The following CLASP1 variants were observed in gnomAD, a reference collection of about 807,000 sequenced individuals.
CLASP1 encodes the protein CLIP-associating protein 1.
In CLASP1, 38 loss-of-function variants were observed where a neutral mutation model predicts 192.3. The observed-to-expected ratio is 0.20, with a 90% CI of 0.15 to 0.26. CLASP1 has a LOEUF of 0.26. Among genes scored for constraint, CLASP1 ranks in the 10% least tolerant of loss-of-function variants. The pLI, the probability that CLASP1 is intolerant of heterozygous loss-of-function variation, is 1.00. For synonymous variants in CLASP1, 691 were observed against 712.8 expected, an observed-to-expected ratio of 0.97 and a Z score of 0.49; for missense variants, 1,433 against 1,932.5, an observed-to-expected ratio of 0.74 and a Z score of 4.85.
intron 2 of CLASP1, among the ~76,000 whole-genome samples, chr2:121,588,951 T>C (rs2062048181): frequency 6.6e-6 from 1 of 152,114 alleles, no homozygotes; most frequent in Non-Finnish European, 1.5e-5. Flanking sequence ...TTATGGGGAT[T>C]GTTTGGGGAT....
At chr2:121,401,918 C>G (rs767495186) in intron 26 of CLASP1, 48 bp from the exon 28 acceptor site, 4 of 660,996 alleles carry the variant, frequency 6.1e-6, no homozygotes, top group Non-Finnish European at 1.1e-5. Context: ...AAACAAATTC[C>G]ATGTTAGTTG....
At chr2:121,563,937 G>A (rs1352948152) in intron 2 of CLASP1, among the ~76,000 whole-genome samples, 1 of 152,224 alleles carries the variant, frequency 6.6e-6, no homozygotes, top group Non-Finnish European at 1.5e-5. Flanking sequence ...AAGGCAAGGA[G>A]GAGCAAGTCA....
chr2:121,457,322 T>C (rs1196824407), intron 14 of CLASP1, among the ~76,000 whole-genome samples: 1 of 152,158 alleles, frequency 6.6e-6, no homozygotes, highest in Non-Finnish European at 1.5e-5. Flanking sequence ...TGCATGCAGT[T>C]ACTGCCTTTA....
chr2:121,499,084 C>A (rs1457796732), intron 8 of CLASP1, among the ~76,000 whole-genome samples: 1 of 152,152 alleles, frequency 6.6e-6, no homozygotes, highest in Non-Finnish European at 1.5e-5. Flanking sequence ...ATACAGCCAA[C>A]AGAAATGAAA....
intron 16 of CLASP1, among the ~76,000 whole-genome samples, chr2:121,450,114 G>A (rs533988144): frequency 6.6e-6 from 1 of 152,056 alleles, no homozygotes; most frequent in Non-Finnish European, 1.5e-5. Context: ...GGTGGATCAC[G>A]AGGTCAGGAG....
chr2:121,478,978 A>C (rs1312561947), intron 8 of CLASP1, among the ~76,000 whole-genome samples: 1 of 44,832 alleles, frequency 2.2e-5, no homozygotes, highest in African/African-American at 1.1e-4. Flanking sequence ...CACACCACAC[A>C]CACACCACAC....
Position 121,514,520 on chromosome 2 carries a change from A to T in CLASP1, c.644+1145T>A, listed in dbSNP as rs141815752. Among the ~76,000 whole-genome samples, 36 of 152,312 alleles carry T rather than the reference A, an allele frequency of 2.4e-4. 1 individual carries two copies. Among genetic ancestry groups the T allele is most frequent in the Admixed American group, 2.4e-3 (36 of 15,302 alleles). On this transcript the variant is annotated intron_variant, in intron 7 of 39. Transcript: ENST00000263710. ...CACAGGAACTTAAAAAAAAAAAACAAAACAAAAAAAACTATTATCACAGAT... is the reference window on the plus strand; with the variant it reads ...CACAGGAACTTAAAAAAAAAAAACATAACAAAAAAAACTATTATCACAGAT...
At chr2:121,390,803 C>T (rs2074209191) in intron 30 of CLASP1, among the ~76,000 whole-genome samples, 1 of 152,144 alleles carries the variant, frequency 6.6e-6, no homozygotes, top group Admixed American at 6.5e-5. Context: ...AGACATTTCT[C>T]ATTTAGTATC....
exon 2 of CLASP1, chr2:121,606,035 T>G: frequency 1.5e-6 from 1 of 664,256 alleles, no homozygotes; most frequent in Non-Finnish European, 2.6e-6. Context: ...ATCTGGGGAA[T>G]GGCAACAATG....
intron 8 of CLASP1, among the ~76,000 whole-genome samples, chr2:121,489,567 C>G (rs2093180725): frequency 2.0e-5 from 3 of 152,196 alleles, no homozygotes; most frequent in Non-Finnish European, 4.4e-5. Flanking sequence ...GAAAGCAAGA[C>G]AGTGATACAG....
At position 121,540,672 on chromosome 2, in the gene CLASP1, C is replaced by T. The variant is rs1374314228; in HGVS notation, c.196-10347G>A. Among the ~76,000 whole-genome samples, 11 of 151,890 alleles carry T rather than the reference C, an allele frequency of 7.2e-5. No homozygotes were observed. The South Asian group carries it at 2.1e-3, about 29-fold the overall frequency. On this transcript the variant is annotated intron_variant, in intron 2 of 39. Transcript: ENST00000263710. ...GCGTAGTGGCATGCGCCTGTCATCCCAGCTACTTGGAGGCTGAGGCAGGAG... is the reference window on the plus strand; with the variant it reads ...GCGTAGTGGCATGCGCCTGTCATCCTAGCTACTTGGAGGCTGAGGCAGGAG...
rs112308241 is a variant in CLASP1, at chr2:121,622,747, T to G, written c.-285-16567A>C. 2.3e-3 allele frequency among the ~76,000 whole-genome samples: 350 copies of G among 152,316 alleles called. 1 individual carries two copies. The highest frequency in any genetic ancestry group is 8.1e-3 in the African/African-American group (338 of 41,570). ...TATATTGATCCCGTATTCTGCAACTTTGAGGAGCTCATAACAGTTTTATAG... is the reference window on the plus strand; with the variant it reads ...TATATTGATCCCGTATTCTGCAACTGTGAGGAGCTCATAACAGTTTTATAG... On this transcript the variant is annotated intron_variant, in intron 1 of 39. Coordinates refer to ENST00000263710, the Ensembl canonical transcript of CLASP1.
chr2:121,612,999 G>C (rs1426012651), intron 1 of CLASP1, among the ~76,000 whole-genome samples: 1 of 152,204 alleles, frequency 6.6e-6, no homozygotes, highest in Non-Finnish European at 1.5e-5. Flanking sequence ...AAAAGAATAT[G>C]AGAGACATTA....
chr2:121,564,305 A>G (rs2059333217), intron 2 of CLASP1, among the ~76,000 whole-genome samples: 1 of 152,142 alleles, frequency 6.6e-6, no homozygotes, highest in Non-Finnish European at 1.5e-5. Flanking sequence ...ATGTTTTAGG[A>G]ATCTATTCTT....
chr2:121,578,090 G>A (rs77529184), intron 2 of CLASP1, among the ~76,000 whole-genome samples: 5,387 of 151,932 alleles, frequency 0.035, 134 homozygotes, highest in Non-Finnish European at 0.059. Flanking sequence ...CTGCCACCAC[G>A]TCCGGCTAAT....
chr2:121,472,251 C>T (rs565431116), intron 8 of CLASP1, among the ~76,000 whole-genome samples: 1 of 152,114 alleles, frequency 6.6e-6, no homozygotes, highest in Admixed American at 6.5e-5. Flanking sequence ...TTCAATGGAC[C>T]AATTTCAATG....
chr2:121,636,862 A>T (rs2070978732), intron 1 of CLASP1, among the ~76,000 whole-genome samples: 1 of 152,006 alleles, frequency 6.6e-6, no homozygotes, highest in African/African-American at 2.4e-5. Context: ...GACCTGAGTA[A>T]AAAACTTTGA....
chr2:121,398,351 C>T (rs1345618056), exon 29 of CLASP1: 10 of 1,599,206 alleles, frequency 6.3e-6, no homozygotes, highest in Non-Finnish European at 7.7e-6. Flanking sequence ...GTTTGATCCA[C>T]AATAAATCTC....
Position 121,477,473 on chromosome 2 carries a change from T to C in CLASP1, c.713-7513A>G, listed in dbSNP as rs556163061. Among the ~76,000 whole-genome samples, 6 of 152,302 alleles carry C rather than the reference T, an allele frequency of 3.9e-5. No homozygotes were observed. In the East Asian group the frequency reaches 7.7e-4, roughly 20 times the overall value. Reference sequence around the variant, plus strand: ...TATCCTTCTTTCCTGATAAAACATATACCTATTTTAAAATTAAGTCATAGT... The same window carrying C: ...TATCCTTCTTTCCTGATAAAACATACACCTATTTTAAAATTAAGTCATAGT... On this transcript the variant is annotated intron_variant, in intron 8 of 39. Transcript: ENST00000263710.
Sources: allele counts gnomAD v4.1 joint callset (sites outside exome capture counted in the v4.1 genomes callset), GRCh38; gene constraint gnomAD v4.1.1; transcripts MANE v1.5; gene names NCBI Gene and HGNC (gene_info 2026-07-23, HGNC 2026-07-21).